Variants in EFCAB11 observed in about 807,000 individuals in gnomAD.
The protein encoded by EFCAB11 is EF-hand calcium binding domain 11.
EFCAB11 carries 14 observed loss-of-function variants against 23.0 expected under a neutral mutation model. The ratio of observed to expected loss-of-function variants is 0.61; its 90% CI spans 0.40 to 0.95. The LOEUF (loss-of-function observed/expected upper bound fraction) is 0.95. EFCAB11 is among the 40% of genes least tolerant of loss of function. The pLI is 0.00. For synonymous variants in EFCAB11, 65 were observed against 66.6 expected (o/e 0.98, Z 0.11); for missense variants, 198 against 195.8 (o/e 1.01, Z -0.07).
At chr14:89,911,408 C>T (rs777498573) in intron 5 of EFCAB11, among the ~76,000 whole-genome samples, 3 of 152,126 alleles carry the variant, frequency 2.0e-5, no homozygotes, top group Non-Finnish European at 2.9e-5. Context: ...GTAGGTCAGA[C>T]GTTATTTCAG....
chr14:89,852,173 AAAG>A (rs1259112194), intron 5 of EFCAB11, among the ~76,000 whole-genome samples: 1 of 152,242 alleles, frequency 6.6e-6, no homozygotes, highest in Non-Finnish European at 1.5e-5. Context: ...TGTCATATGC[AAAG>A]AAGATCAAAT....
At chr14:89,939,219 C>G (rs1325734812) in intron 3 of EFCAB11, among the ~76,000 whole-genome samples, 1 of 152,010 alleles carries the variant, frequency 6.6e-6, no homozygotes, top group Non-Finnish European at 1.5e-5. Flanking sequence ...TGCCAGCTGA[C>G]TCGGCTGGAC....
intron 5 of EFCAB11, among the ~76,000 whole-genome samples, chr14:89,893,786 A>AC (rs577144538): frequency 0.1 from 15,595 of 151,256 alleles, 956 homozygotes; most frequent in South Asian, 0.21. Flanking sequence ...CCAAAAAAAA[A>AC]AAACAAACAA....
chr14:89,834,056 C>G (rs1056943856), intron 5 of EFCAB11, among the ~76,000 whole-genome samples: 6 of 151,942 alleles, frequency 3.9e-5, no homozygotes, highest in African/African-American at 1.5e-4. Flanking sequence ...ATGTGTATCC[C>G]TTAAAGAAAA....
intron 5 of EFCAB11, among the ~76,000 whole-genome samples, chr14:89,867,151 C>T (rs1566789675): frequency 6.6e-6 from 1 of 152,134 alleles, no homozygotes; most frequent in Non-Finnish European, 1.5e-5. Flanking sequence ...GGAACCAGGT[C>T]TCCTGCCTCA....
intron 5 of EFCAB11, among the ~76,000 whole-genome samples, chr14:89,906,854 G>A (rs544456503): frequency 1.3e-5 from 2 of 152,102 alleles, no homozygotes; most frequent in East Asian, 3.8e-4. Flanking sequence ...GCACATAGTA[G>A]GTGCTTAATG....
intron 5 of EFCAB11, among the ~76,000 whole-genome samples, chr14:89,819,453 T>C (rs913271241): frequency 7.9e-6 from 1 of 126,630 alleles, no homozygotes; most frequent in African/African-American, 4.0e-5. Flanking sequence ...AAGGTCTCAC[T>C]TTGTCACCTA....
chr14:89,899,351 A>G (rs1157180543), intron 5 of EFCAB11, among the ~76,000 whole-genome samples: 1 of 152,240 alleles, frequency 6.6e-6, no homozygotes, highest in Non-Finnish European at 1.5e-5. Flanking sequence ...TGAGTATTGC[A>G]ATAGGCAGAA....
rs956242545 is a variant in EFCAB11, at chr14:89,932,618, A to G, written c.227T>C (p.Leu76Pro). 1 of 1,613,234 alleles carries G rather than the reference A, an allele frequency of 6.2e-7. No homozygotes were observed. Among genetic ancestry groups the G allele is most frequent in the South Asian group, 1.1e-5 (1 of 91,050 alleles). ...CCTGACAATATTTAAAAACCCCTCG[A>G]GTAATATACCTAAAAGTTGGGGAAA... ...SINPNTSGIL[L>P]EGFLNIVRKK... Residue 76 changes from leucine (L) to proline (P), a missense_variant, in exon 4 of 6, where the codon CTC becomes CCC. By Grantham distance (98) the Leu-to-Pro change is moderately conservative (BLOSUM62 -3). Transcript: ENST00000316738.
At chr14:89,874,268 T>C (rs1888366619) in intron 5 of EFCAB11, among the ~76,000 whole-genome samples, 4 of 152,178 alleles carry the variant, frequency 2.6e-5, no homozygotes, top group Admixed American at 2.6e-4. Flanking sequence ...CACCAAGTCC[T>C]GAGACTGCAC....
At chr14:89,912,722 A>G (rs547031698) in intron 5 of EFCAB11, among the ~76,000 whole-genome samples, 1 of 152,206 alleles carries the variant, frequency 6.6e-6, no homozygotes, top group Non-Finnish European at 1.5e-5. Context: ...GATTAATTGT[A>G]ATGATGAAAG....
At chr14:89,833,748 ATT>A (rs1416005503) in intron 5 of EFCAB11, among the ~76,000 whole-genome samples, 1 of 152,174 alleles carries the variant, frequency 6.6e-6, no homozygotes, top group Non-Finnish European at 1.5e-5. Flanking sequence ...TGGAACATCC[ATT>A]GTCTTTTTAA....
intron 5 of EFCAB11, among the ~76,000 whole-genome samples, chr14:89,849,606 GTT>G (rs55668769): frequency 8.9e-5 from 11 of 123,338 alleles, no homozygotes; most frequent in African/African-American, 3.4e-4. Context: ...AAGGAAATCT[GTT>G]TTTTTTTTTT....
rs554545088 is a variant in EFCAB11 at position 89,931,691 on chromosome 14, C to T, written c.320-60G>A. 6.3e-6 allele frequency: 9 copies of T among 1,425,082 alleles called. No homozygotes were observed. In the East Asian group the frequency reaches 2.1e-4, roughly 33 times the overall value. 88.3% of individuals were successfully genotyped at this position (1,425,082 alleles called of 1,614,324 possible). A position where few individuals can be genotyped will look rare whatever the true frequency, so the allele number is the denominator to read the frequency against. ...TAATAAGACCTATCAACTGTTACTT[C>T]AGCCATAACATTTGTGCAAAACTTA... On this transcript the variant is annotated intron_variant, in intron 4 of 5. Transcript: ENST00000316738.
intron 5 of EFCAB11, among the ~76,000 whole-genome samples, chr14:89,851,125 A>C (rs1325196008): frequency 6.6e-6 from 1 of 152,216 alleles, no homozygotes; most frequent in Non-Finnish European, 1.5e-5. Context: ...TAGTCAGGTA[A>C]TTAAATGTGT....
At chr14:89,807,085 A>G (rs1425444069) in intron 5 of EFCAB11, among the ~76,000 whole-genome samples, 1 of 152,252 alleles carries the variant, frequency 6.6e-6, no homozygotes, top group Non-Finnish European at 1.5e-5. Flanking sequence ...ACCCAGTATC[A>G]TCTTGAACTT....
At chr14:89,893,888 G>T (rs534426700) in intron 5 of EFCAB11, among the ~76,000 whole-genome samples, 1 of 151,148 alleles carries the variant, frequency 6.6e-6, no homozygotes, top group African/African-American at 2.4e-5. Context: ...CATATACACA[G>T]ACATGTTATT....
chr14:89,909,449 T>C (rs1221231900), intron 5 of EFCAB11, among the ~76,000 whole-genome samples: 1 of 152,124 alleles, frequency 6.6e-6, no homozygotes, highest in Non-Finnish European at 1.5e-5. Flanking sequence ...AGTGGTGGCA[T>C]GCACCTGTAA....
intron 5 of EFCAB11, among the ~76,000 whole-genome samples, chr14:89,805,180 T>G (rs1012526773): frequency 2.6e-5 from 4 of 152,170 alleles, no homozygotes; most frequent in Non-Finnish European, 5.9e-5. Context: ...CCATGGACAT[T>G]GTTTGCGTCT....
Sources: gnomAD v4.1 joint callset for allele counts (sites outside exome capture counted in the v4.1 genomes callset) on GRCh38, gnomAD v4.1.1 for gene constraint, MANE v1.5 for transcripts, NCBI Gene and HGNC (gene_info 2026-07-23, HGNC 2026-07-21) for gene names.